ATE1: variants seen among roughly 807,000 people sequenced by gnomAD.
The protein encoded by ATE1 is arginyl-tRNA--protein transferase 1.
Under a neutral mutation model 70.5 loss-of-function variants are expected in ATE1, and 36 were observed. The observed-to-expected ratio is 0.51, with a 90% CI of 0.39 to 0.67. ATE1 has a LOEUF of 0.67. Ranked by LOEUF, ATE1 falls within the 30% of genes least tolerant of loss-of-function variation. The pLI, the probability that ATE1 is intolerant of heterozygous loss-of-function variation, is 0.00. For synonymous variants in ATE1, 232 were observed against 219.3 expected, an observed-to-expected ratio of 1.06 and a Z score of -0.51; for missense variants, 593 against 629.5, an observed-to-expected ratio of 0.94 and a Z score of 0.62.
At chr10:121,798,067 T>C (rs879556526) in intron 10 of ATE1, among the ~76,000 whole-genome samples, 1 of 152,242 alleles carries the variant, frequency 6.6e-6, no homozygotes, top group African/African-American at 2.4e-5. Flanking sequence ...CTACTTCCAC[T>C]TTCTAAACAG....
chr10:121,924,329 C>T lies in ATE1; in HGVS notation c.107G>A (p.Gly36Asp). The part of the protein sequence containing the change: ...CKNESGSRSN[G>D]MWAHSMTVQD... ...TACTGTCATGGAATGTGCCCACATGCCTGAAAAAATAAGTAGTGTGTTAAT... is the reference window on the plus strand; with the variant it reads ...TACTGTCATGGAATGTGCCCACATGTCTGAAAAAATAAGTAGTGTGTTAAT... Residue 36 changes from glycine to aspartate, a missense_variant and splice_region_variant, in exon 2 of 12, where the codon GGC becomes GAC. Gly to Asp is a moderately conservative substitution (Grantham distance 94). This residue lies in a region of ATE1 where 467 missense variants were observed against 469.6 expected (regional missense o/e 0.99). Transcript: ENST00000224652. 1.2e-6 allele frequency: 2 copies of T among 1,613,556 alleles called. No individual in the cohort carries two copies. Among genetic ancestry groups the T allele is most frequent in the East Asian group, 2.2e-5 (1 of 44,862 alleles).
intron 11 of ATE1, among the ~76,000 whole-genome samples, chr10:121,744,679 G>A (rs776955697): frequency 2.6e-5 from 4 of 152,168 alleles, no homozygotes; most frequent in South Asian, 2.1e-4. Flanking sequence ...CATGGAAGAC[G>A]TGGAAGAGAC....
intron 9 of ATE1, among the ~76,000 whole-genome samples, chr10:121,837,590 ATTCTT>A (rs1211416749): frequency 1.3e-5 from 2 of 152,168 alleles, no homozygotes; most frequent in Non-Finnish European, 2.9e-5. Flanking sequence ...TCTTGAAGGT[ATTCTT>A]TTCTTTATTA....
chr10:121,838,442 G>A (rs1163176768), intron 9 of ATE1, among the ~76,000 whole-genome samples: 1 of 152,048 alleles, frequency 6.6e-6, no homozygotes, highest in Non-Finnish European at 1.5e-5. Context: ...AGGCATTTTT[G>A]TTTTTCCTGG....
chr10:121,894,137 C>CAA (rs35919973), intron 7 of ATE1, among the ~76,000 whole-genome samples: 2 of 60,256 alleles, frequency 3.3e-5, no homozygotes, highest in African/African-American at 7.7e-5. Context: ...AACTCCATCT[C>CAA]AAAAAAAAAA....
intron 10 of ATE1, among the ~76,000 whole-genome samples, chr10:121,834,782 T>G (rs1948373190): frequency 6.6e-6 from 1 of 152,104 alleles, no homozygotes; most frequent in South Asian, 2.1e-4. Flanking sequence ...TTAGGCATAA[T>G]GAAAAACTTT....
intron 10 of ATE1, among the ~76,000 whole-genome samples, chr10:121,818,861 G>T (rs367883855): frequency 6.6e-6 from 1 of 152,088 alleles, no homozygotes; most frequent in Admixed American, 6.5e-5. Context: ...AATCACAAAG[G>T]TTAAATCATT....
chr10:121,840,526 G>A (rs981408920), intron 9 of ATE1, among the ~76,000 whole-genome samples: 5 of 151,996 alleles, frequency 3.3e-5, no homozygotes, highest in East Asian at 3.9e-4. Context: ...GTCATATAAC[G>A]TTTAAGGAAT....
At chr10:121,785,074 C>T (rs1946150589) in intron 11 of ATE1, among the ~76,000 whole-genome samples, 1 of 152,136 alleles carries the variant, frequency 6.6e-6, no homozygotes, top group African/African-American at 2.4e-5. Context: ...TTCCAGCTGG[C>T]TACATCCAAG....
chr10:121,893,015 A>C (rs1950634684), intron 7 of ATE1, among the ~76,000 whole-genome samples: 1 of 152,124 alleles, frequency 6.6e-6, no homozygotes, highest in Non-Finnish European at 1.5e-5. Context: ...ACGGTGGCTT[A>C]CGCTTGTAAT....
At position 121,777,483 on chromosome 10, in the gene ATE1, G is replaced by A. The variant is rs540805037; in HGVS notation, c.1378+12686C>T. On this transcript the variant is annotated intron_variant, in intron 11 of 11. Coordinates refer to ENST00000224652, the MANE Select transcript of ATE1 (RefSeq NM_001001976.3). Reference sequence around the variant, plus strand: ...GTTAAAAAGGAATCAAGGACAGACCGTAAGAGCTAAGGAGATACACATGCA... The same window carrying A: ...GTTAAAAAGGAATCAAGGACAGACCATAAGAGCTAAGGAGATACACATGCA... Among the ~76,000 whole-genome samples, 14 of 152,302 alleles carry A rather than the reference G, an allele frequency of 9.2e-5. No individual in the cohort carries two copies. In the East Asian group the frequency reaches 9.6e-4, roughly 10 times the overall value.
In ATE1 at chr10:121,740,914, A is replaced by C. The variant is rs1944128805; in HGVS notation, c.*2766T>G. 6.6e-6 allele frequency: 1 copy of C among 152,224 alleles called. No individual in the cohort carries two copies. 9.4% of individuals were successfully genotyped at this position (152,224 alleles called of 1,614,324 possible). Reference sequence around the variant, plus strand: ...TATCATCTATCTTTTAGAATACAAAAAAGTGCTCAGATTACATTTAAAAAA... The same window carrying C: ...TATCATCTATCTTTTAGAATACAAACAAGTGCTCAGATTACATTTAAAAAA... On this transcript the variant is annotated 3_prime_UTR_variant, in exon 12 of 12. Transcript: ENST00000224652.
intron 11 of ATE1, among the ~76,000 whole-genome samples, chr10:121,781,829 G>A (rs1178552024): frequency 6.6e-6 from 1 of 152,186 alleles, no homozygotes; most frequent in East Asian, 1.9e-4. Flanking sequence ...AAGATGCACA[G>A]AAGCATGAAC....
intron 11 of ATE1, among the ~76,000 whole-genome samples, chr10:121,758,218 G>A (rs1368538484): frequency 6.6e-6 from 1 of 152,080 alleles, no homozygotes; most frequent in African/African-American, 2.4e-5. Context: ...TAAGTTTTTT[G>A]TTTTAAATCA....
chr10:121,910,035 C>A (rs1951358097), intron 5 of ATE1, among the ~76,000 whole-genome samples: 1 of 152,108 alleles, frequency 6.6e-6, no homozygotes, highest in African/African-American at 2.4e-5. Flanking sequence ...CAGAGCAAGA[C>A]CCTGTCTCAA....
chr10:121,741,003 T>C lies in ATE1; in HGVS notation c.*2677A>G, dbSNP rs1944131197. On this transcript the variant is annotated 3_prime_UTR_variant, in exon 12 of 12. Coordinates refer to ENST00000224652, the MANE Select transcript of ATE1 (RefSeq NM_001001976.3). The stretch of plus-strand genomic sequence containing the variant: ...GGACGGTAGCAAGGGGAATTGAAAT[T>C]ACATCTTTGCTCCCAAAACAGGAAG... 3.3e-5 allele frequency: 5 copies of C among 152,200 alleles called. No individual in the cohort carries two copies. In the South Asian group the frequency reaches 1.0e-3, roughly 31 times the overall value. 9.4% of individuals were successfully genotyped at this position (152,200 alleles called of 1,614,324 possible).
intron 9 of ATE1, among the ~76,000 whole-genome samples, chr10:121,839,874 A>G (rs1315854059): frequency 6.6e-6 from 1 of 152,234 alleles, no homozygotes; most frequent in Non-Finnish European, 1.5e-5. Context: ...CAACTCTTTT[A>G]TAATTCATAA....
At chr10:121,804,175 C>T (rs1947003438) in intron 10 of ATE1, among the ~76,000 whole-genome samples, 1 of 152,160 alleles carries the variant, frequency 6.6e-6, no homozygotes, top group African/African-American at 2.4e-5. Flanking sequence ...TAGTTATTTA[C>T]AGGTGAGAAA....
Position 121,922,349 on chromosome 10 carries a change from C to T in ATE1, c.233G>A (p.Arg78Lys). Reference sequence around the variant, plus strand: ...TCTTTCTACTAATTAAAATTCTTACCTTATTGTGTACTGAGGACAACATGT... The same window carrying T: ...TCTTTCTACTAATTAAAATTCTTACTTTATTGTGTACTGAGGACAACATGT... ...NQTCCPQYTI[R>K]CRPLQFQPSK... Residue 78 changes from arginine to lysine, a missense_variant and splice_region_variant, in exon 3 of 12, where the codon AGG becomes AAG. By Grantham distance (26) the Arg-to-Lys change is conservative. Around this residue, in one of 3 missense-constraint regions of ATE1, gnomAD observed 467 missense variants for 469.6 expected, o/e 0.99. Transcript: ENST00000224652. The T allele has an allele frequency of 6.3e-7, 1 of 1,580,994 alleles. No individual in the cohort carries two copies. The highest frequency in any genetic ancestry group is 1.1e-5 in the South Asian group (1 of 89,020).
Sources: allele counts gnomAD v4.1 joint callset (sites outside exome capture counted in the v4.1 genomes callset), GRCh38; gene constraint gnomAD v4.1.1; regional missense constraint gnomAD v4.1.1; transcripts MANE v1.5; gene names NCBI Gene and HGNC (gene_info 2026-07-23, HGNC 2026-07-21).